Variants in SORCS2 observed in about 807,000 individuals in gnomAD.
SORCS2 encodes the protein sortilin related VPS10 domain containing receptor 2.
In SORCS2, 100 loss-of-function variants were observed where a neutral mutation model predicts 141.6. The ratio of observed to expected loss-of-function variants is 0.71; its 90% CI spans 0.60 to 0.83. The LOEUF (loss-of-function observed/expected upper bound fraction) is 0.83. Among genes scored for constraint, SORCS2 ranks in the 40% least tolerant of loss-of-function variants. The pLI is 0.00. For synonymous variants in SORCS2, 789 were observed against 676.9 expected (o/e 1.17, Z -2.57); for missense variants, 1,646 against 1,560.2 (o/e 1.05, Z -0.93).
At chr4:7,501,761 G>A (rs534217486) in intron 2 of SORCS2, among the ~76,000 whole-genome samples, 2 of 152,236 alleles carry the variant, frequency 1.3e-5, no homozygotes, top group South Asian at 2.1e-4. Flanking sequence ...AATGTGTCTC[G>A]ACCAGGGAAA....
rs1372326876 is a variant in SORCS2 at position 7,697,265 on chromosome 4, C to A, written c.1659C>A (p.Thr553=). Residue 553 remains threonine (T), a synonymous_variant, in exon 12 of 27, where the codon ACC becomes ACA. Transcript: ENST00000507866. ...EMYITSDCGH[T]WRQVFEEEHH... ...ACATCACGTCAGACTGTGGTCACAC[C>A]TGGCGGCAGGTAAGCTGGCTGGGAG... 1.3e-6 allele frequency: 2 copies of A among 1,587,090 alleles called. No individual in the cohort carries two copies. The highest frequency in any genetic ancestry group is 3.5e-5 in the Admixed American group (2 of 56,462).
intron 1 of SORCS2, among the ~76,000 whole-genome samples, chr4:7,315,360 C>T (rs187608202): frequency 2.0e-5 from 3 of 152,384 alleles, no homozygotes; most frequent in Admixed American, 6.5e-5. Context: ...AATACATGCT[C>T]ATTCTCATTT....
intron 1 of SORCS2, among the ~76,000 whole-genome samples, chr4:7,357,064 C>A (rs1333563545): frequency 1.3e-5 from 2 of 152,160 alleles, no homozygotes; most frequent in African/African-American, 4.8e-5. Flanking sequence ...TGGACTTGCA[C>A]CCTGTCTCCT....
In SORCS2 at chr4:7,569,990, C is replaced by T. The variant is rs189347371; in HGVS notation, c.648+38361C>T. Among the ~76,000 whole-genome samples, 5 of 152,172 alleles carry T rather than the reference C, an allele frequency of 3.3e-5. No homozygotes were observed. In the East Asian group the frequency reaches 9.6e-4, roughly 29 times the overall value. ...ATGAGGTGCTTTGTTCTTCAGCTCT[C>T]CTGGGCAGGGGACGAGGGCTCCCAG... On this transcript the variant is annotated intron_variant, in intron 3 of 26. Coordinates refer to ENST00000507866, the MANE Select transcript of SORCS2 (RefSeq NM_020777.3).
intron 1 of SORCS2, among the ~76,000 whole-genome samples, chr4:7,289,032 C>G (rs1215559523): frequency 6.6e-6 from 1 of 152,102 alleles, no homozygotes; most frequent in Non-Finnish European, 1.5e-5. Context: ...CTCTATTGAT[C>G]AATCATCCCT....
At position 7,396,329 on chromosome 4, in the gene SORCS2, G is replaced by C. The variant is rs1393410428; in HGVS notation, c.522G>C (p.Gly174=). ...ILTKYYHADM[G]KVLESSLWRS... ...CGAAGTACTACCACGCAGACATGGG[G>C]AAGGTTCTGGAAAGTTCTCTGTGGC... is the stretch of plus-strand genomic sequence containing the variant. Residue 174 remains glycine, a synonymous_variant, in exon 2 of 27, where the codon GGG becomes GGC. Transcript: ENST00000507866. The C allele has an allele frequency of 6.2e-7, 1 of 1,614,014 alleles. No individual in the cohort carries two copies. The highest frequency in any genetic ancestry group is 8.5e-7 in the Non-Finnish European group (1 of 1,179,894).
At chr4:7,375,599 AC>A (rs2109055930) in intron 1 of SORCS2, among the ~76,000 whole-genome samples, 1 of 152,352 alleles carries the variant, frequency 6.6e-6, no homozygotes, top group African/African-American at 2.4e-5. Flanking sequence ...GCATGGAGGA[AC>A]ATCTGAGTTC....
At chr4:7,619,403 G>A (rs566816446) in intron 3 of SORCS2, among the ~76,000 whole-genome samples, 113 of 152,220 alleles carry the variant, frequency 7.4e-4, no homozygotes, top group Non-Finnish European at 1.3e-3. Context: ...GTCTGGGAGC[G>A]TGGCTTCCCC....
chr4:7,301,283 A>C (rs1717413291), intron 1 of SORCS2, among the ~76,000 whole-genome samples: 1 of 152,194 alleles, frequency 6.6e-6, no homozygotes, highest in Non-Finnish European at 1.5e-5. Context: ...CACAGCAGCT[A>C]TCGAAACAGA....
At chr4:7,293,695 C>G (rs892042663) in intron 1 of SORCS2, among the ~76,000 whole-genome samples, 1 of 152,164 alleles carries the variant, frequency 6.6e-6, no homozygotes, top group Non-Finnish European at 1.5e-5. Flanking sequence ...CAGTCAATGC[C>G]TTGGATTCTC....
intron 2 of SORCS2, among the ~76,000 whole-genome samples, chr4:7,512,163 A>G (rs1278503127): frequency 6.6e-6 from 1 of 152,124 alleles, no homozygotes; most frequent in Non-Finnish European, 1.5e-5. Flanking sequence ...GCAGTTCTCC[A>G]GGCGGTGTCG....
intron 1 of SORCS2, among the ~76,000 whole-genome samples, chr4:7,336,956 A>C (rs1364461676): frequency 6.6e-6 from 1 of 152,156 alleles, no homozygotes; most frequent in African/African-American, 2.4e-5. Flanking sequence ...AGTGGGAGCC[A>C]TGACTCTCCT....
At chr4:7,531,827 G>C (rs1321422333) in intron 3 of SORCS2, among the ~76,000 whole-genome samples, 198 bp downstream of exon 3, 1 of 152,262 alleles carries the variant, frequency 6.6e-6, no homozygotes, top group Non-Finnish European at 1.5e-5. Context: ...CCAGAGGCCA[G>C]GCTTTGGAGG....
chr4:7,515,761 G>C (rs185159195), intron 2 of SORCS2, among the ~76,000 whole-genome samples: 3 of 152,254 alleles, frequency 2.0e-5, no homozygotes, highest in Admixed American at 6.5e-5. Context: ...GGTCAGAGTG[G>C]GGAATGATTT....
intron 1 of SORCS2, among the ~76,000 whole-genome samples, chr4:7,351,663 C>CCTCTCCCTCT (rs1283224136): frequency 5.5e-4 from 84 of 151,674 alleles, no homozygotes; most frequent in African/African-American, 1.8e-3. Context: ...CCTCTCCCTT[C>CCTCTCCCTCT]CTCTCCCTCT....
At chr4:7,609,865 A>T (rs1560424063) in intron 3 of SORCS2, among the ~76,000 whole-genome samples, 1 of 152,214 alleles carries the variant, frequency 6.6e-6, no homozygotes, top group Admixed American at 6.5e-5. Flanking sequence ...GAGTCTGCCT[A>T]ACCCCAAACT....
chr4:7,264,807 G>C (rs1714610940), intron 1 of SORCS2, among the ~76,000 whole-genome samples: 1 of 152,178 alleles, frequency 6.6e-6, no homozygotes, highest in South Asian at 2.1e-4. Context: ...AGGGTGCAGG[G>C]GAGATGCACC....
chr4:7,645,045 C>T (rs1046871268), intron 4 of SORCS2, among the ~76,000 whole-genome samples: 4 of 152,220 alleles, frequency 2.6e-5, no homozygotes, highest in Admixed American at 6.5e-5. Flanking sequence ...GCGTCGTAAA[C>T]GCAAGCGCAT....
At chr4:7,655,733 C>T (rs1721727067) in intron 5 of SORCS2, among the ~76,000 whole-genome samples, 1 of 152,230 alleles carries the variant, frequency 6.6e-6, no homozygotes, top group Non-Finnish European at 1.5e-5. Context: ...GCCAGAGCTG[C>T]CCTGCCTGGG....
Sources: allele counts gnomAD v4.1 joint callset (sites outside exome capture counted in the v4.1 genomes callset), GRCh38; gene constraint gnomAD v4.1.1; transcripts MANE v1.5; gene names NCBI Gene and HGNC (gene_info 2026-07-23, HGNC 2026-07-21).